The following ROBO2 variants were observed in gnomAD, a reference collection of about 807,000 sequenced individuals.
The protein encoded by ROBO2 is roundabout guidance receptor 2, also known as roundabout homolog 2.
In ROBO2, 53 loss-of-function variants were observed where a neutral mutation model predicts 160.8. That is an observed-to-expected ratio of 0.33 (90% CI 0.26 to 0.41). The LOEUF is 0.41. Ranked by LOEUF, ROBO2 falls within the 10% of genes least tolerant of loss-of-function variation. The pLI is 1.00. For missense variants in ROBO2, 1,577 were observed against 1,722.4 expected, an observed-to-expected ratio of 0.92 and a Z score of 1.49; for synonymous variants, 664 against 611.7, an observed-to-expected ratio of 1.09 and a Z score of -1.26.
At chr3:77,177,840 G>A (rs2080305636) in intron 2 of ROBO2, among the ~76,000 whole-genome samples, 1 of 151,950 alleles carries the variant, frequency 6.6e-6, no homozygotes, top group African/African-American at 2.4e-5. Flanking sequence ...TTTCCAATAA[G>A]TCAACACAAA....
intron 5 of ROBO2, among the ~76,000 whole-genome samples, chr3:77,519,851 T>G (rs567851985): frequency 1.3e-5 from 2 of 151,516 alleles, no homozygotes; most frequent in African/African-American, 4.8e-5. Context: ...TTGAGAAATC[T>G]CCAAACTGCT....
intron 2 of ROBO2, among the ~76,000 whole-genome samples, chr3:76,805,649 G>A (rs1377650182): frequency 1.4e-5 from 2 of 145,896 alleles, no homozygotes; most frequent in East Asian, 2.0e-4. Context: ...TTGTTCATGA[G>A]CCTCTTAATT....
intron 2 of ROBO2, among the ~76,000 whole-genome samples, chr3:76,703,440 C>A (rs1327328311): frequency 1.3e-5 from 2 of 152,022 alleles, no homozygotes; most frequent in South Asian, 4.1e-4. Context: ...TAAGTATACA[C>A]GTACCATGGT....
At chr3:76,622,787 T>G (rs2089318012) in intron 2 of ROBO2, among the ~76,000 whole-genome samples, 1 of 152,196 alleles carries the variant, frequency 6.6e-6, no homozygotes, top group African/African-American at 2.4e-5. Flanking sequence ...ATGTATACTT[T>G]ATTACTTGGC....
intron 2 of ROBO2, among the ~76,000 whole-genome samples, chr3:76,470,289 C>T (rs7629312): frequency 0.36 from 54,752 of 152,070 alleles, 9,982 homozygotes; most frequent in Non-Finnish European, 0.39. Flanking sequence ...GCAGATCTCT[C>T]TAAAGCTTAG....
intron 2 of ROBO2, among the ~76,000 whole-genome samples, chr3:75,941,975 C>G (rs909296380): frequency 3.9e-5 from 6 of 152,176 alleles, no homozygotes; most frequent in African/African-American, 1.4e-4. Context: ...CTCTCTCTCT[C>G]TCTGTCTTTG....
In ROBO2 at chr3:77,233,996, G is replaced by T. The variant is rs2087588134; in HGVS notation, c.388+135656G>T. ...CTTGGGATTTATAAATATTCCTGAA[G>T]AAATTCCTTGTATTTCCTAGCTGAA... On this transcript the variant is annotated intron_variant, in intron 2 of 25. Coordinates refer to ENST00000461745, the Ensembl canonical transcript of ROBO2. Among the ~76,000 whole-genome samples the T allele has an allele frequency of 2.6e-5, 4 of 152,168 alleles. No individual in the cohort carries two copies. The South Asian group carries it at 8.3e-4, about 31-fold the overall frequency.
chr3:76,231,204 T>TG (rs1165944761), intron 2 of ROBO2, among the ~76,000 whole-genome samples: 1 of 152,200 alleles, frequency 6.6e-6, no homozygotes, highest in African/African-American at 2.4e-5. Context: ...CGGAGACTGA[T>TG]GCAGCCCAAG....
chr3:77,237,183 C>CTTTTTTTT (rs34992972), intron 2 of ROBO2, among the ~76,000 whole-genome samples: 6 of 107,076 alleles, frequency 5.6e-5, no homozygotes, highest in Non-Finnish European at 9.1e-5. Context: ...CTTGACCTTT[C>CTTTTTTTT]TTTTTTTTTT....
chr3:76,099,421 A>G (rs971494214), intron 2 of ROBO2, among the ~76,000 whole-genome samples: 10 of 152,142 alleles, frequency 6.6e-5, no homozygotes, highest in African/African-American at 2.4e-4. Context: ...TGTAATTACC[A>G]AATCACTGTA....
intron 4 of ROBO2, among the ~76,000 whole-genome samples, chr3:77,487,096 C>G (rs2324825): frequency 0.74 from 113,215 of 152,004 alleles, 42,760 homozygotes; most frequent in African/African-American, 0.87. Context: ...ATAGTTGATA[C>G]CATGAGAGTA....
chr3:76,662,363 G>A (rs1255757442), intron 2 of ROBO2, among the ~76,000 whole-genome samples: 1 of 152,060 alleles, frequency 6.6e-6, no homozygotes, highest in Admixed American at 6.6e-5. Context: ...TACATAGTAG[G>A]TGTATATATT....
At chr3:76,356,383 GT>G in intron 2 of ROBO2, among the ~76,000 whole-genome samples, 1 of 151,526 alleles carries the variant, frequency 6.6e-6, no homozygotes, top group Middle Eastern at 3.5e-3. Flanking sequence ...AAAAAGCCAG[GT>G]TGAATAAAAA....
intron 2 of ROBO2, among the ~76,000 whole-genome samples, chr3:77,394,164 A>G (rs1409122355): frequency 6.6e-6 from 1 of 152,294 alleles, no homozygotes; most frequent in South Asian, 2.1e-4. Context: ...GGCCAGTGGA[A>G]GCTAGCATCC....
At chr3:77,060,459 T>A (rs1578620015) in intron 1 of ROBO2, among the ~76,000 whole-genome samples, 1 of 152,348 alleles carries the variant, frequency 6.6e-6, no homozygotes, top group South Asian at 2.1e-4. Flanking sequence ...TCACTTGTTC[T>A]TAACACTTGT....
At chr3:76,226,272 G>A (rs974590206) in intron 2 of ROBO2, among the ~76,000 whole-genome samples, 1 of 152,144 alleles carries the variant, frequency 6.6e-6, no homozygotes, top group Non-Finnish European at 1.5e-5. Flanking sequence ...AGATGATGGA[G>A]ATTCTTTACA....
At chr3:77,199,620 ATTTTTTT>A (rs66672194) in intron 2 of ROBO2, among the ~76,000 whole-genome samples, 8 of 118,180 alleles carry the variant, frequency 6.8e-5, no homozygotes, top group Non-Finnish European at 6.9e-5. Flanking sequence ...CTCAGTCACC[ATTTTTTT>A]TTTTTTTTTT....
At chr3:76,724,335 C>T (rs555249301) in intron 2 of ROBO2, among the ~76,000 whole-genome samples, 2 of 152,096 alleles carry the variant, frequency 1.3e-5, no homozygotes, top group Non-Finnish European at 2.9e-5. Flanking sequence ...CAAATATGTT[C>T]AACAAACCAC....
At chr3:76,641,794 G>C (rs1560290214) in intron 2 of ROBO2, among the ~76,000 whole-genome samples, 2 of 152,154 alleles carry the variant, frequency 1.3e-5, no homozygotes, top group Non-Finnish European at 2.9e-5. Flanking sequence ...GCTGAGTTCA[G>C]TGGCGTGATT....
Sources: gnomAD v4.1 joint callset for allele counts (sites outside exome capture counted in the v4.1 genomes callset) on GRCh38, gnomAD v4.1.1 for gene constraint, MANE v1.5 for transcripts, NCBI Gene and HGNC (gene_info 2026-07-23, HGNC 2026-07-21) for gene names.